The following RAPGEF2 variants were observed in gnomAD, a reference collection of about 807,000 sequenced individuals.
RAPGEF2 encodes the protein PDZ domain containing guanine nucleotide exchange factor (GEF) 1.
In RAPGEF2, 54 loss-of-function variants were observed where a neutral mutation model predicts 186.7. The ratio of observed to expected loss-of-function variants is 0.29; its 90% CI spans 0.23 to 0.36. RAPGEF2 has a LOEUF of 0.36. RAPGEF2 is among the 10% of genes least tolerant of loss of function. RAPGEF2 has a pLI of 1.00. For synonymous variants in RAPGEF2, 712 were observed against 705.9 expected, an observed-to-expected ratio of 1.01 and a Z score of -0.14; for missense variants, 1,532 against 2,045.0, an observed-to-expected ratio of 0.75 and a Z score of 4.84.
intron 1 of RAPGEF2, among the ~76,000 whole-genome samples, chr4:159,125,998 T>TACTAC (rs1374076709): frequency 6.6e-6 from 1 of 152,158 alleles, no homozygotes; most frequent in East Asian, 1.9e-4. Flanking sequence ...ATGAAAAACT[T>TACTAC]ACTACAATGT....
intron 7 of RAPGEF2, chr4:159,268,129 A>G (rs374405137): frequency 1.9e-6 from 3 of 1,612,944 alleles, no homozygotes; most frequent in Non-Finnish European, 2.5e-6. Flanking sequence ...TGATGTGTAA[A>G]TTCAGTTCAG....
At chr4:159,131,082 T>TTG (rs71589209) in intron 1 of RAPGEF2, among the ~76,000 whole-genome samples, 81 of 126,262 alleles carry the variant, frequency 6.4e-4, no homozygotes, top group Admixed American at 1.9e-3. Context: ...GCGTGTTGTT[T>TTG]TGTGTGTGTG....
At chr4:159,235,691 C>T (rs1318580391) in intron 4 of RAPGEF2, among the ~76,000 whole-genome samples, 1 of 152,054 alleles carries the variant, frequency 6.6e-6, no homozygotes, top group Non-Finnish European at 1.5e-5. Flanking sequence ...CCTTATTTTC[C>T]AGAGCTGAAT....
chr4:159,176,003 T>TTAAAG lies in RAPGEF2; in HGVS notation c.70-10637_70-10633dup, dbSNP rs555841836. 2.2e-3 allele frequency among the ~76,000 whole-genome samples: 329 copies of TTAAAG among 152,222 alleles called. 1 individual carries two copies. Among genetic ancestry groups the TTAAAG allele is most frequent in the African/African-American group, 7.3e-3 (305 of 41,530 alleles). On this transcript the variant is annotated intron_variant, in intron 1 of 29. Coordinates refer to ENST00000691494, the MANE Select transcript of RAPGEF2 (RefSeq NM_001394067.2). ...ATCGAGGACATAAAATACAAACCTATTAAAGTGCCCACATAGAGCACATGT... is the reference window on the plus strand; with the variant it reads ...ATCGAGGACATAAAATACAAACCTATTAAAGTAAAGTGCCCACATAGAGCACATGT...
chr4:159,225,088 A>G (rs1751890486), intron 4 of RAPGEF2, among the ~76,000 whole-genome samples: 2 of 152,202 alleles, frequency 1.3e-5, no homozygotes, highest in Non-Finnish European at 2.9e-5. Flanking sequence ...TACAGGGGAT[A>G]TAAAGAGATA....
At chr4:159,168,999 A>C (rs1464041212) in intron 1 of RAPGEF2, among the ~76,000 whole-genome samples, 4 of 152,198 alleles carry the variant, frequency 2.6e-5, no homozygotes, top group African/African-American at 9.6e-5. Flanking sequence ...ATTTGTGAGA[A>C]TCTTTTATCT....
intron 4 of RAPGEF2, among the ~76,000 whole-genome samples, chr4:159,211,174 G>T (rs1252998127): frequency 6.6e-6 from 1 of 152,142 alleles, no homozygotes; most frequent in Non-Finnish European, 1.5e-5. Flanking sequence ...TGTTTTGACT[G>T]CAGTGCTGGT....
intron 29 of RAPGEF2, 41 bp downstream of exon 29, chr4:159,356,199 G>A (rs1016264865): frequency 2.6e-6 from 4 of 1,557,316 alleles, no homozygotes; most frequent in Non-Finnish European, 3.5e-6. Context: ...CAAGTTAGAT[G>A]TGTTCACTTG....
rs748250450 is a variant in RAPGEF2, at chr4:159,343,271, T to A, written c.3131-10T>A. 1 of 1,614,116 alleles carries A rather than the reference T, an allele frequency of 6.2e-7. No homozygotes were observed. Among genetic ancestry groups the A allele is most frequent in the Non-Finnish European group, 8.5e-7 (1 of 1,179,954 alleles). On this transcript the variant is annotated splice_polypyrimidine_tract_variant and intron_variant, in intron 21 of 29. Coordinates refer to ENST00000691494, the MANE Select transcript of RAPGEF2 (RefSeq NM_001394067.2). Reference sequence around the variant, plus strand: ...CATGTGATTTCCTTTTCCTCCTCTGTCAATTTCAGGAAATGACTCAAAAGT... The same window carrying A: ...CATGTGATTTCCTTTTCCTCCTCTGACAATTTCAGGAAATGACTCAAAAGT...
At chr4:159,255,393 C>T (rs1315857339) in intron 7 of RAPGEF2, among the ~76,000 whole-genome samples, 1 of 150,924 alleles carries the variant, frequency 6.6e-6, no homozygotes, top group Non-Finnish European at 1.5e-5. Context: ...GTGCTGCCTT[C>T]AGTCTTTTTC....
chr4:159,255,546 G>C (rs911243748), intron 7 of RAPGEF2, among the ~76,000 whole-genome samples: 1 of 152,102 alleles, frequency 6.6e-6, no homozygotes, highest in African/African-American at 2.4e-5. Context: ...TGTCTGAGGG[G>C]ATAGAGCTGC....
chr4:159,337,714 C>T (rs777829486), intron 17 of RAPGEF2, among the ~76,000 whole-genome samples: 7 of 149,174 alleles, frequency 4.7e-5, no homozygotes, highest in Admixed American at 2.7e-4. Context: ...ATGGTGAAAC[C>T]CCATCTCTAC....
Position 159,330,265 on chromosome 4 carries a change from A to ATGTGTG in RAPGEF2, c.1303-43_1303-38dup, listed in dbSNP as rs59463532. ...CATATATGTGTGTGTGTATATGTAT[A>ATGTGTG]TGTGTGTGTGTGTGTGTGTGTGTGT... On this transcript the variant is annotated intron_variant, in intron 12 of 29. Coordinates refer to ENST00000691494, the MANE Select transcript of RAPGEF2 (RefSeq NM_001394067.2). The ATGTGTG allele has an allele frequency of 8.0e-3, 4,275 of 534,912 alleles. 65 individuals are homozygous for ATGTGTG. Among genetic ancestry groups the ATGTGTG allele is most frequent in the African/African-American group, 0.054 (2,604 of 47,956 alleles). 33.1% of individuals were successfully genotyped at this position (534,912 alleles called of 1,614,324 possible).
chr4:159,156,710 A>G (rs549537770), intron 1 of RAPGEF2, among the ~76,000 whole-genome samples: 388 of 152,240 alleles, frequency 2.5e-3, no homozygotes, highest in African/African-American at 8.7e-3. Context: ...TCATTGTTCA[A>G]TTCCCACCTA....
Position 159,143,206 on chromosome 4 carries a change from A to G in RAPGEF2, c.69+38975A>G, listed in dbSNP as rs994142590. 3.9e-5 allele frequency among the ~76,000 whole-genome samples: 6 copies of G among 151,958 alleles called. No homozygotes were observed. The East Asian group carries it at 5.8e-4, about 15-fold the overall frequency. On this transcript the variant is annotated intron_variant, in intron 1 of 29. Coordinates refer to ENST00000691494, the MANE Select transcript of RAPGEF2 (RefSeq NM_001394067.2). Reference sequence around the variant, plus strand: ...GATCGCTCCTCTGCATAGCTACTGCACTCCAGACTGGGCAATACAGTGAGA... The same window carrying G: ...GATCGCTCCTCTGCATAGCTACTGCGCTCCAGACTGGGCAATACAGTGAGA...
Position 159,178,551 on chromosome 4 carries a change from C to CA in RAPGEF2, c.70-8091_70-8090insA, listed in dbSNP as rs1554005429. 9.4e-3 allele frequency among the ~76,000 whole-genome samples: 712 copies of CA among 75,494 alleles called. 2 individuals are homozygous for CA. The highest frequency in any genetic ancestry group is 0.013 in the Non-Finnish European group (577 of 43,138). The allele number at this position is 75,494 out of a possible 152,430, so 49.5% of individuals were successfully genotyped here. On this transcript the variant is annotated intron_variant, in intron 1 of 29. Coordinates refer to ENST00000691494, the MANE Select transcript of RAPGEF2 (RefSeq NM_001394067.2). ...TTCTTTCCCATTAGCATGTATTATG[C>CA]TTTTTTTTTTTTTTTTTTTTTTTTG...
intron 7 of RAPGEF2, among the ~76,000 whole-genome samples, chr4:159,275,970 A>G (rs1341643979): frequency 1.3e-5 from 2 of 152,142 alleles, no homozygotes; most frequent in East Asian, 3.8e-4. Flanking sequence ...GTTAAATGGG[A>G]GTATTCTGCC....
chr4:159,104,439 C>T (rs1737557484), intron 1 of RAPGEF2, among the ~76,000 whole-genome samples: 1 of 150,716 alleles, frequency 6.6e-6, no homozygotes, highest in African/African-American at 2.5e-5. Flanking sequence ...ACATTCTGCT[C>T]CTTAACTCTT....
chr4:159,178,551 C>CATTTTT (rs1554005429), intron 1 of RAPGEF2, among the ~76,000 whole-genome samples: 1 of 75,470 alleles, frequency 1.3e-5, no homozygotes, highest in African/African-American at 5.9e-5. Context: ...ATGTATTATG[C>CATTTTT]TTTTTTTTTT....
Sources: allele counts gnomAD v4.1 joint callset (sites outside exome capture counted in the v4.1 genomes callset), GRCh38; gene constraint gnomAD v4.1.1; transcripts MANE v1.5; gene names NCBI Gene and HGNC (gene_info 2026-07-23, HGNC 2026-07-21).